POU6F2: variants seen among roughly 807,000 people sequenced by gnomAD.
POU6F2 encodes POU class 6 homeobox 2.
In POU6F2, 31 loss-of-function variants were observed where a neutral mutation model predicts 71.3. That is an observed-to-expected ratio of 0.43 (90% CI 0.33 to 0.59). The LOEUF (loss-of-function observed/expected upper bound fraction) is 0.59. Among genes scored for constraint, POU6F2 ranks in the 20% least tolerant of loss-of-function variants. The pLI is 0.04. For missense variants in POU6F2, 783 were observed against 856.8 expected, an observed-to-expected ratio of 0.91 and a Z score of 1.07; for synonymous variants, 347 against 355.7, an observed-to-expected ratio of 0.98 and a Z score of 0.27.
At chr7:39,030,535 T>TATATATAC (rs1789916114) in intron 1 of POU6F2, among the ~76,000 whole-genome samples, 3 of 126,072 alleles carry the variant, frequency 2.4e-5, no homozygotes, top group Non-Finnish European at 4.9e-5. Context: ...TATATATATA[T>TATATATAC]ATATATATAC....
At chr7:39,370,313 G>T (rs952265381) in intron 5 of POU6F2, among the ~76,000 whole-genome samples, 1 of 152,182 alleles carries the variant, frequency 6.6e-6, no homozygotes, top group Non-Finnish European at 1.5e-5. Context: ...CAAGACTAAC[G>T]TGCAACATAA....
chr7:39,041,277 A>T (rs188551869), intron 1 of POU6F2, among the ~76,000 whole-genome samples: 2 of 151,920 alleles, frequency 1.3e-5, no homozygotes, highest in Non-Finnish European at 2.9e-5. Context: ...CCAATTTTTC[A>T]CTTCACAAGT....
intron 4 of POU6F2, among the ~76,000 whole-genome samples, chr7:39,257,771 G>A (rs992395647): frequency 4.6e-5 from 7 of 151,648 alleles, no homozygotes; most frequent in Middle Eastern, 3.2e-3. Flanking sequence ...AAATTCCACC[G>A]AGAAAACCCA....
chr7:39,246,649 A>G (rs915527127), intron 4 of POU6F2, among the ~76,000 whole-genome samples: 8 of 152,136 alleles, frequency 5.3e-5, no homozygotes, highest in East Asian at 1.9e-4. Context: ...AGAATGAGCT[A>G]ATTCCTCTCA....
chr7:39,068,271 T>C (rs1326546629), intron 1 of POU6F2, among the ~76,000 whole-genome samples: 3 of 152,184 alleles, frequency 2.0e-5, no homozygotes, highest in Non-Finnish European at 4.4e-5. Context: ...ACTTTCTCAC[T>C]GTACATCAGT....
chr7:39,468,575 T>G lies in POU6F2; in HGVS notation c.*3889T>G, dbSNP rs1789128733. On this transcript the variant is annotated 3_prime_UTR_variant, in exon 10 of 10. Transcript: ENST00000518318. ...GATCTGTCACTTTTAATTTGTACCATAAAAAATAAATAATTGTTTGACATG... is the reference window on the plus strand; with the variant it reads ...GATCTGTCACTTTTAATTTGTACCAGAAAAAATAAATAATTGTTTGACATG... 1 of 152,184 alleles carries G rather than the reference T, an allele frequency of 6.6e-6. No individual in the cohort carries two copies. Among genetic ancestry groups the G allele is most frequent in the Non-Finnish European group, 1.5e-5 (1 of 68,042 alleles). The allele number at this position is 152,184 out of a possible 1,614,324, so 9.4% of individuals were successfully genotyped here. A position where few individuals can be genotyped will look rare whatever the true frequency, so the allele number is the denominator to read the frequency against.
intron 1 of POU6F2, among the ~76,000 whole-genome samples, chr7:39,035,394 G>T (rs1307438865): frequency 2.0e-5 from 3 of 152,058 alleles, no homozygotes; most frequent in Non-Finnish European, 4.4e-5. Flanking sequence ...CATTACAGAG[G>T]GAAGGCACTG....
intron 2 of POU6F2, among the ~76,000 whole-genome samples, chr7:39,157,526 G>A (rs1792897241): frequency 6.6e-6 from 1 of 152,168 alleles, no homozygotes; most frequent in African/African-American, 2.4e-5. Flanking sequence ...TAAATGCTGA[G>A]TGTATAGGGA....
At chr7:39,371,071 G>A in intron 5 of POU6F2, among the ~76,000 whole-genome samples, 1 of 152,108 alleles carries the variant, frequency 6.6e-6, no homozygotes. Context: ...GTTCTCCTCT[G>A]CAGGGCATAG....
At chr7:39,083,041 C>T (rs1443482285) in intron 1 of POU6F2, among the ~76,000 whole-genome samples, 2 of 152,132 alleles carry the variant, frequency 1.3e-5, no homozygotes, top group Middle Eastern at 3.2e-3. Flanking sequence ...CATATACCAT[C>T]TGCCAGTGCA....
At chr7:39,447,112 A>T (rs1162896631) in intron 7 of POU6F2, among the ~76,000 whole-genome samples, 4 of 152,198 alleles carry the variant, frequency 2.6e-5, no homozygotes, top group Admixed American at 2.6e-4. Flanking sequence ...TCATAACATT[A>T]TTTTTGGATA....
At chr7:39,401,518 C>A (rs555862816) in intron 5 of POU6F2, among the ~76,000 whole-genome samples, 2 of 152,222 alleles carry the variant, frequency 1.3e-5, no homozygotes, top group Admixed American at 1.3e-4. Context: ...CTGATAATTT[C>A]TTGACTTTTT....
intron 7 of POU6F2, among the ~76,000 whole-genome samples, chr7:39,449,836 C>G (rs1244964550): frequency 9.2e-5 from 14 of 151,994 alleles, no homozygotes; most frequent in Admixed American, 8.5e-4. Flanking sequence ...AACAGTATGC[C>G]AAGCAAAAGT....
chr7:39,258,331 T>C (rs1383750997), intron 4 of POU6F2, among the ~76,000 whole-genome samples: 1 of 152,208 alleles, frequency 6.6e-6, no homozygotes, highest in Non-Finnish European at 1.5e-5. Context: ...TTTGAGAGCA[T>C]TCACTGAGAA....
intron 5 of POU6F2, among the ~76,000 whole-genome samples, chr7:39,403,458 C>A (rs917005706): frequency 1.3e-5 from 2 of 152,232 alleles, no homozygotes; most frequent in African/African-American, 2.4e-5. Context: ...GTATTACAGT[C>A]AGACTTCATT....
intron 4 of POU6F2, among the ~76,000 whole-genome samples, chr7:39,213,796 C>T (rs73695526): frequency 0.027 from 4,173 of 152,288 alleles, 187 homozygotes; most frequent in African/African-American, 0.094. Flanking sequence ...TCCAACATCC[C>T]AGTGGGCAGA....
At chr7:39,414,310 G>A (rs1226690535) in intron 6 of POU6F2, among the ~76,000 whole-genome samples, 2 of 152,190 alleles carry the variant, frequency 1.3e-5, no homozygotes, top group African/African-American at 4.8e-5. Flanking sequence ...TACATAACAC[G>A]TTTGCAGAGA....
chr7:39,349,616 A>T (rs1170135008), intron 5 of POU6F2, among the ~76,000 whole-genome samples: 4 of 152,164 alleles, frequency 2.6e-5, no homozygotes, highest in Non-Finnish European at 4.4e-5. Flanking sequence ...ATCAGCCTGA[A>T]ATCTGTATGG....
chr7:39,357,470 C>T (rs1297325831), intron 5 of POU6F2, among the ~76,000 whole-genome samples: 1 of 152,126 alleles, frequency 6.6e-6, no homozygotes, highest in Non-Finnish European at 1.5e-5. Context: ...GAGTTTGAGC[C>T]CCGGTCTGAC....
Sources: gnomAD v4.1 joint callset for allele counts (sites outside exome capture counted in the v4.1 genomes callset) on GRCh38, gnomAD v4.1.1 for gene constraint, MANE v1.5 for transcripts, NCBI Gene and HGNC (gene_info 2026-07-23, HGNC 2026-07-21) for gene names.